Variants in NEK10 observed in about 807,000 individuals in gnomAD.
The protein encoded by NEK10 is NIMA related kinase 10.
Under a neutral mutation model 159.8 loss-of-function variants are expected in NEK10, and 122 were observed. The observed-to-expected ratio is 0.76, with a 90% CI of 0.66 to 0.89. NEK10 has a LOEUF of 0.89. NEK10 is among the 40% of genes least tolerant of loss of function. The pLI, the probability that NEK10 is intolerant of heterozygous loss-of-function variation, is 0.00. For missense variants in NEK10, 1,342 were observed against 1,323.1 expected (o/e 1.01, Z -0.22); for synonymous variants, 466 against 457.1 (o/e 1.02, Z -0.25).
intron 28 of NEK10, among the ~76,000 whole-genome samples, chr3:27,172,901 C>G (rs3112780): frequency 2.0e-5 from 3 of 152,082 alleles, no homozygotes; most frequent in African/African-American, 7.2e-5. Flanking sequence ...AGGAAATATT[C>G]TAGGCTTTGC....
chr3:27,279,536 A>T (rs1301431817), intron 22 of NEK10, among the ~76,000 whole-genome samples: 1 of 152,244 alleles, frequency 6.6e-6, no homozygotes, highest in Non-Finnish European at 1.5e-5. Context: ...ATAAGAGACT[A>T]ATGGACATAT....
intron 22 of NEK10, among the ~76,000 whole-genome samples, chr3:27,257,649 T>C (rs553092231): frequency 6.6e-6 from 1 of 152,268 alleles, no homozygotes; most frequent in Admixed American, 6.5e-5. Flanking sequence ...AGACAGGTAT[T>C]ATCATTAGTA....
chr3:27,275,459 T>C (rs2041700520), intron 22 of NEK10, among the ~76,000 whole-genome samples: 1 of 152,216 alleles, frequency 6.6e-6, no homozygotes, highest in Non-Finnish European at 1.5e-5. Flanking sequence ...ATGGTGATCC[T>C]TCTTACAACA....
chr3:27,361,551 T>G (rs1006039881), intron 1 of NEK10, among the ~76,000 whole-genome samples: 2 of 152,242 alleles, frequency 1.3e-5, no homozygotes, highest in Non-Finnish European at 2.9e-5. Flanking sequence ...GAGAATTATA[T>G]TTATTCATTA....
At chr3:27,161,435 A>G (rs1259617058) in intron 30 of NEK10, among the ~76,000 whole-genome samples, 1 of 152,220 alleles carries the variant, frequency 6.6e-6, no homozygotes. Context: ...CAGTTTGCCT[A>G]TATTCACTAT....
intron 31 of NEK10, among the ~76,000 whole-genome samples, chr3:27,140,735 T>G (rs886507027): frequency 3.9e-5 from 6 of 152,174 alleles, no homozygotes; most frequent in African/African-American, 1.4e-4. Context: ...GTTTATGTTT[T>G]GCTCGTGGAT....
In NEK10 at chr3:27,290,601, C is replaced by T. The variant is rs1478975106; in HGVS notation, c.1743+16G>A. The T allele has an allele frequency of 6.4e-7, 1 of 1,559,200 alleles. No homozygotes were observed. Among genetic ancestry groups the T allele is most frequent in the Non-Finnish European group, 8.7e-7 (1 of 1,151,260 alleles). ...TATTTAAGAAAAACATCTTCAGAAACAAGGAAAACATTTACCTGCTCTTTA... is the reference window on the plus strand; with the variant it reads ...TATTTAAGAAAAACATCTTCAGAAATAAGGAAAACATTTACCTGCTCTTTA... On this transcript the variant is annotated intron_variant, in intron 19 of 35. Transcript: ENST00000691995.
Position 27,174,433 on chromosome 3 carries a change from G to A in NEK10, c.2776+6C>T, listed in dbSNP as rs370170008. ...ACAAACAGCAAATTGATAACAGAAA[G>A]CTTACTGAATGTAGATTCTTTCAGA... On this transcript the variant is annotated splice_donor_region_variant and intron_variant, in intron 28 of 35. Transcript: ENST00000691995. The A allele has an allele frequency of 6.2e-7, 1 of 1,608,066 alleles. No individual in the cohort carries two copies. Among genetic ancestry groups the A allele is most frequent in the African/African-American group, 1.3e-5 (1 of 74,456 alleles).
intron 13 of NEK10, among the ~76,000 whole-genome samples, chr3:27,298,210 CAT>C (rs1190452203): frequency 1.3e-5 from 2 of 152,168 alleles, no homozygotes; most frequent in African/African-American, 4.8e-5. Flanking sequence ...ACAATTCCCA[CAT>C]GTCATAGGAG....
Position 27,313,273 on chromosome 3 carries a change from AAAAGAAAAAG to A in NEK10, c.489+1014_489+1023del, listed in dbSNP as rs970719508. 2.0e-5 allele frequency among the ~76,000 whole-genome samples: 3 copies of A among 152,036 alleles called. No individual in the cohort carries two copies. The East Asian group carries it at 5.8e-4, about 29-fold the overall frequency. ...AAGTGAGACCCTATCTCAAAAAAAA[AAAAGAAAAAG>A]AAAGAAAAAGAAATTTTGTTTTATT... On this transcript the variant is annotated intron_variant, in intron 7 of 35. Transcript: ENST00000691995.
chr3:27,149,994 G>A (rs1353054380), intron 30 of NEK10, among the ~76,000 whole-genome samples: 1 of 152,168 alleles, frequency 6.6e-6, no homozygotes, highest in African/African-American at 2.4e-5. Flanking sequence ...AGATTTAGAA[G>A]ATAAAAGATC....
chr3:27,120,026 T>C (rs1182925422), intron 32 of NEK10, among the ~76,000 whole-genome samples, 158 bp from the exon 33 acceptor site: 1 of 152,208 alleles, frequency 6.6e-6, no homozygotes, highest in African/African-American at 2.4e-5. Flanking sequence ...AATAATCTTC[T>C]TTCCAAAAGA....
rs368720355 is a variant in NEK10, at chr3:27,233,016, C to T, written c.2090+23280G>A. Among the ~76,000 whole-genome samples the T allele has an allele frequency of 6.6e-5, 10 of 152,008 alleles. 1 individual carries two copies. The highest frequency in any genetic ancestry group is 3.4e-3 in the Middle Eastern group (1 of 294). ...ACTAAGACCCCAAAACCAAATGCAA[C>T]GAAAACAAAAATAAATAAATGGGAC... is the stretch of plus-strand genomic sequence containing the variant. On this transcript the variant is annotated intron_variant, in intron 23 of 35. Coordinates refer to ENST00000691995, the MANE Select transcript of NEK10 (RefSeq NM_001394966.1).
At chr3:27,220,122 T>A (rs866302959) in intron 23 of NEK10, among the ~76,000 whole-genome samples, 2 of 152,248 alleles carry the variant, frequency 1.3e-5, no homozygotes, top group Non-Finnish European at 2.9e-5. Context: ...ATTAGAAGAC[T>A]TGCCATTGTT....
intron 29 of NEK10, among the ~76,000 whole-genome samples, chr3:27,166,937 G>A (rs1238319568): frequency 6.6e-6 from 1 of 152,000 alleles, no homozygotes; most frequent in Admixed American, 6.6e-5. Flanking sequence ...TCCAGCCTGG[G>A]TGAAAGAGCA....
intron 23 of NEK10, 74 bp downstream of exon 23, chr3:27,256,222 C>A: frequency 1.5e-6 from 1 of 654,852 alleles, no homozygotes; most frequent in South Asian, 4.3e-5. Context: ...CTTTCCTTTG[C>A]AAGTCAATAA....
chr3:27,110,490 T>C lies in NEK10; in HGVS notation c.*782A>G, dbSNP rs1204070137. The C allele has an allele frequency of 1.3e-5, 2 of 152,198 alleles. No homozygotes were observed. Among genetic ancestry groups the C allele is most frequent in the Admixed American group, 1.3e-4 (2 of 15,274 alleles). 9.4% of individuals were successfully genotyped at this position (152,198 alleles called of 1,614,324 possible). A position where few individuals can be genotyped will look rare whatever the true frequency, so the allele number is the denominator to read the frequency against. ...TAAACTCTTCAAAGTGCTCTAAAAA[T>C]ACTATAAGTTTGATTAGCAGCAAAG... On this transcript the variant is annotated 3_prime_UTR_variant, in exon 36 of 36. Coordinates refer to ENST00000691995, the MANE Select transcript of NEK10 (RefSeq NM_001394966.1).
In NEK10 at chr3:27,145,937, C is replaced by G. The variant is rs148655402; in HGVS notation, c.2870-4355G>C. Reference sequence around the variant, plus strand: ...AGAGGCCAGAGGGAGGTGGTCACCCCCTTCTACCATGCAAGGACACAGCTA... The same window carrying G: ...AGAGGCCAGAGGGAGGTGGTCACCCGCTTCTACCATGCAAGGACACAGCTA... On this transcript the variant is annotated intron_variant, in intron 30 of 35. Transcript: ENST00000691995. 2.8e-4 allele frequency among the ~76,000 whole-genome samples: 43 copies of G among 152,180 alleles called. No homozygotes were observed. The East Asian group carries it at 8.0e-3, about 28-fold the overall frequency.
intron 6 of NEK10, among the ~76,000 whole-genome samples, chr3:27,318,428 TA>T (rs1211293019): frequency 6.6e-6 from 1 of 152,216 alleles, no homozygotes; most frequent in Non-Finnish European, 1.5e-5. Context: ...TTTACACTCT[TA>T]AAAATTACTG....
Sources: gnomAD v4.1 joint callset for allele counts (sites outside exome capture counted in the v4.1 genomes callset) on GRCh38, gnomAD v4.1.1 for gene constraint, MANE v1.5 for transcripts, NCBI Gene and HGNC (gene_info 2026-07-23, HGNC 2026-07-21) for gene names.